LIMCH1: variants seen among roughly 807,000 people sequenced by gnomAD.
The protein encoded by LIMCH1 is LIM and calponin homology domains-containing protein 1.
LIMCH1 carries 113 observed loss-of-function variants against 176.5 expected under a neutral mutation model. The observed-to-expected ratio is 0.64, with a 90% CI of 0.55 to 0.75. The LOEUF (loss-of-function observed/expected upper bound fraction) is 0.75. Ranked by LOEUF, LIMCH1 falls within the 30% of genes least tolerant of loss-of-function variation. The probability of loss-of-function intolerance (pLI) is 0.00; values close to 1 mark genes in which losing one functional copy is unlikely to be tolerated. For synonymous variants in LIMCH1, 619 were observed against 645.9 expected, an observed-to-expected ratio of 0.96 and a Z score of 0.63; for missense variants, 1,674 against 1,814.9, an observed-to-expected ratio of 0.92 and a Z score of 1.41.
chr4:41,646,194 A>G lies in LIMCH1; in HGVS notation c.2325A>G (p.Lys775=), dbSNP rs2094047711. ...QDLIKKEEER[K]KMEKLLAGED... The stretch of plus-strand genomic sequence containing the variant: ...TAATCAAGAAAGAGGAAGAAAGGAA[A>G]AAAATGGAGAAGTTACTGGCTGGAG... Residue 775 remains lysine, a synonymous_variant, in exon 16 of 32, where the codon AAA becomes AAG. Transcript: ENST00000503057. 4.3e-6 allele frequency: 7 copies of G among 1,614,064 alleles called. No individual in the cohort carries two copies. In the East Asian group the frequency reaches 1.6e-4, roughly 36 times the overall value.
intron 18 of LIMCH1, among the ~76,000 whole-genome samples, chr4:41,652,231 T>C (rs187751550): frequency 1.3e-3 from 202 of 152,318 alleles, no homozygotes; most frequent in African/African-American, 4.7e-3. Context: ...ATGATTAGTC[T>C]TTTGAAGACT....
At chr4:41,525,946 A>G (rs950431693) in intron 3 of LIMCH1, among the ~76,000 whole-genome samples, 12 of 152,186 alleles carry the variant, frequency 7.9e-5, no homozygotes, top group African/African-American at 2.9e-4. Context: ...AGGAAAATCC[A>G]GATGAGGAGA....
chr4:41,556,008 G>C (rs1308943170), intron 1 of LIMCH1, among the ~76,000 whole-genome samples: 1 of 152,090 alleles, frequency 6.6e-6, no homozygotes, highest in African/African-American at 2.4e-5. Context: ...GTCTCTGAAG[G>C]TGTTGGGATT....
At chr4:41,447,040 G>A (rs1434440717) in intron 1 of LIMCH1, among the ~76,000 whole-genome samples, 1 of 152,118 alleles carries the variant, frequency 6.6e-6, no homozygotes, top group Non-Finnish European at 1.5e-5. Flanking sequence ...ACCAACCCGG[G>A]CAACATGGTG....
chr4:41,445,020 C>CTTTTT (rs11414585), intron 1 of LIMCH1, among the ~76,000 whole-genome samples: 3 of 128,534 alleles, frequency 2.3e-5, no homozygotes, highest in Non-Finnish European at 1.7e-5. Context: ...TTTTCCCATT[C>CTTTTT]TTTTTTTTTT....
At chr4:41,584,219 G>A (rs1235754299) in intron 1 of LIMCH1, among the ~76,000 whole-genome samples, 1 of 152,164 alleles carries the variant, frequency 6.6e-6, no homozygotes, top group African/African-American at 2.4e-5. Context: ...TGCAAAGATT[G>A]AAGTATGCAG....
Position 41,682,419 on chromosome 4 carries a change from G to A in LIMCH1, c.3804G>A (p.Leu1268=), listed in dbSNP as rs1394927866. The change falls in exon 26 of 32, where the codon TTG becomes TTA. Residue 1268 remains leucine, a synonymous_variant. Transcript: ENST00000503057. Reference sequence around the variant, plus strand: ...TCCAGGGAGATGACAGTGACTTATTGCTGAAGACTAGGGAAAGTGATCGAC... The same window carrying A: ...TCCAGGGAGATGACAGTGACTTATTACTGAAGACTAGGGAAAGTGATCGAC... The part of the protein sequence containing the change: ...KSFQGDDSDL[L]LKTRESDRLE... 6.2e-7 allele frequency: 1 copy of A among 1,613,326 alleles called. No homozygotes were observed. Among genetic ancestry groups the A allele is most frequent in the Admixed American group, 1.7e-5 (1 of 59,992 alleles).
chr4:41,641,160 A>G (rs745701793), intron 14 of LIMCH1, among the ~76,000 whole-genome samples: 28 of 152,172 alleles, frequency 1.8e-4, no homozygotes, highest in African/African-American at 6.0e-4. Context: ...CCTCATCCCA[A>G]CAGCCCAAGG....
At chr4:41,462,253 C>T (rs1339385439) in intron 1 of LIMCH1, among the ~76,000 whole-genome samples, 1 of 152,108 alleles carries the variant, frequency 6.6e-6, no homozygotes, top group Non-Finnish European at 1.5e-5. Context: ...GTTGTTTGTG[C>T]TGGTCCCAGT....
Position 41,699,876 on chromosome 4 carries a change from G to T in LIMCH1, c.*2691G>T, listed in dbSNP as rs894941285. Reference sequence around the variant, plus strand: ...TCATATGTGAGTCCGTCCAAAAGATGTTACTGCTCTGGGTGGGCCAGTGTT... The same window carrying T: ...TCATATGTGAGTCCGTCCAAAAGATTTTACTGCTCTGGGTGGGCCAGTGTT... On this transcript the variant is annotated 3_prime_UTR_variant, in exon 32 of 32. Transcript: ENST00000503057. 1 of 152,092 alleles carries T rather than the reference G, an allele frequency of 6.6e-6. No homozygotes were observed. Among genetic ancestry groups the T allele is most frequent in the Non-Finnish European group, 1.5e-5 (1 of 68,028 alleles). The allele number at this position is 152,092 out of a possible 1,614,324, so 9.4% of individuals were successfully genotyped here.
At chr4:41,541,747 C>T (rs10013279) in intron 1 of LIMCH1, among the ~76,000 whole-genome samples, 17,787 of 152,232 alleles carry the variant, frequency 0.12, 1,068 homozygotes, top group African/African-American at 0.14. Context: ...ACAGAGCTTA[C>T]GAAATGACTG....
intron 2 of LIMCH1, among the ~76,000 whole-genome samples, chr4:41,495,227 C>T (rs12645233): frequency 5.8e-4 from 88 of 152,252 alleles, no homozygotes; most frequent in East Asian, 1.5e-3. Context: ...TATGGATAGA[C>T]GTAAATTTCA....
Position 41,494,458 on chromosome 4 carries a change from C to G in LIMCH1, c.97-78C>G. The G allele has an allele frequency of 3.1e-6, 3 of 967,282 alleles. No homozygotes were observed. The Admixed American group carries it at 5.7e-5, about 18-fold the overall frequency. 59.9% of individuals were successfully genotyped at this position (967,282 alleles called of 1,614,324 possible). A position where few individuals can be genotyped will look rare whatever the true frequency, so the allele number is the denominator to read the frequency against. ...TTATATATATGTACACACACATACA[C>G]ACACACATATATATATGATTGGACT... On this transcript the variant is annotated intron_variant, in intron 1 of 26. Coordinates refer to the LIMCH1 transcript ENST00000313860.
intron 18 of LIMCH1, among the ~76,000 whole-genome samples, chr4:41,653,432 C>T (rs2094369647): frequency 6.6e-6 from 1 of 152,054 alleles, no homozygotes; most frequent in Admixed American, 6.6e-5. Context: ...AGACTGACAC[C>T]AGCTTGGACT....
At chr4:41,505,517 A>G (rs1182250657) in intron 2 of LIMCH1, among the ~76,000 whole-genome samples, 1 of 152,128 alleles carries the variant, frequency 6.6e-6, no homozygotes, top group Non-Finnish European at 1.5e-5. Context: ...GACTAGAGTG[A>G]TTGTTTTGAA....
At chr4:41,691,821 G>T (rs977470071) in intron 30 of LIMCH1, among the ~76,000 whole-genome samples, 34 of 152,228 alleles carry the variant, frequency 2.2e-4, no homozygotes, top group Non-Finnish European at 4.3e-4. Flanking sequence ...TGATCTGGTA[G>T]AACTTAGCAA....
chr4:41,571,046 T>C (rs1198500044), intron 1 of LIMCH1, among the ~76,000 whole-genome samples: 4 of 152,026 alleles, frequency 2.6e-5, no homozygotes, highest in African/African-American at 4.8e-5. Context: ...ATGGTGAGAA[T>C]TGAAGTCAGA....
chr4:41,463,725 G>A (rs921356033), intron 1 of LIMCH1, among the ~76,000 whole-genome samples: 2 of 151,732 alleles, frequency 1.3e-5, no homozygotes, highest in African/African-American at 4.8e-5. Flanking sequence ...CTACAGGTGC[G>A]CGCTACCATG....
intron 1 of LIMCH1, among the ~76,000 whole-genome samples, chr4:41,586,546 T>C (rs1344819900): frequency 6.6e-6 from 1 of 152,210 alleles, no homozygotes; most frequent in African/African-American, 2.4e-5. Context: ...TAATGGAATA[T>C]GATAGATAGT....
Sources: allele counts gnomAD v4.1 joint callset (sites outside exome capture counted in the v4.1 genomes callset), GRCh38; gene constraint gnomAD v4.1.1; transcripts MANE v1.5; gene names NCBI Gene and HGNC (gene_info 2026-07-23, HGNC 2026-07-21).